SRSF3: variants seen among roughly 807,000 people sequenced by gnomAD.
SRSF3 encodes the protein serine and arginine rich splicing factor 3, also known as serine/arginine-rich splicing factor 3.
For missense variants in SRSF3, 58 were observed against 217.1 expected (o/e 0.27, Z 4.61); for synonymous variants, 87 against 73.6 (o/e 1.18, Z -0.93).
Position 36,598,967 on chromosome 6 carries a change from C to T in SRSF3, c.325C>T (p.Pro109Ser), listed in dbSNP as rs1371712288. ...RPRDDYRRRS[P>S]PPRRRSPRRR... ...TCGAGATGATTATCGTAGGAGGAGT[C>T]CTCCACCTCGTCGCAGGTACTTGAG... The change falls in exon 3 of 6, where the codon CCT becomes TCT. Residue 109 changes from proline (P) to serine (S), a missense_variant. Physicochemically the swap from Pro to Ser is moderately conservative, Grantham distance 74. Coordinates refer to ENST00000373715, the MANE Select transcript of SRSF3 (RefSeq NM_003017.5). 1.2e-6 allele frequency: 2 copies of T among 1,613,946 alleles called. No homozygotes were observed. The highest frequency in any genetic ancestry group is 1.7e-6 in the Non-Finnish European group (2 of 1,180,020).
intron 1 of SRSF3, 109 bp from the exon 2 acceptor site, chr6:36,596,649 TACG>T: frequency 1.1e-6 from 1 of 951,996 alleles, no homozygotes; most frequent in Admixed American, 2.3e-5. Context: ...TTTTTTTCTT[TACG>T]TGCTACCTTA....
intron 4 of SRSF3, 110 bp downstream of exon 4, chr6:36,601,300 GA>G (rs1189024597): frequency 9.7e-6 from 10 of 1,032,726 alleles, no homozygotes; most frequent in South Asian, 1.4e-5. Flanking sequence ...CTTTAATAGT[GA>G]ATCAAGTTGT....
At position 36,602,572 on chromosome 6, in the gene SRSF3, G is replaced by A. The variant is rs552737079; in HGVS notation, c.*583G>A. 4.6e-6 allele frequency: 1 copy of A among 218,374 alleles called. No individual in the cohort carries two copies. Among genetic ancestry groups the A allele is most frequent in the South Asian group, 1.9e-4 (1 of 5,390 alleles). 13.5% of individuals were successfully genotyped at this position (218,374 alleles called of 1,614,324 possible). On this transcript the variant is annotated 3_prime_UTR_variant, in exon 6 of 6. Transcript: ENST00000373715. ...AGTTTACCTTTGCTTTAGGTCATAA[G>A]TTCCTTATTTGATTGCTGTATATGG...
intron 3 of SRSF3, chr6:36,600,233 G>A: frequency 1.9e-6 from 2 of 1,054,902 alleles, no homozygotes; most frequent in Non-Finnish European, 2.3e-6. Flanking sequence ...CGTCAGTCCG[G>A]CAGCCTCACC....
Position 36,604,683 on chromosome 6 carries a change from TC to T in SRSF3, c.*2696del, listed in dbSNP as rs1778782596. 2 of 158,230 alleles carry T rather than the reference TC, an allele frequency of 1.3e-5. No individual in the cohort carries two copies. The highest frequency in any genetic ancestry group is 4.1e-4 in the South Asian group (2 of 4,880). The allele number at this position is 158,230 out of a possible 1,614,324, so 9.8% of individuals were successfully genotyped here. A position where few individuals can be genotyped will look rare whatever the true frequency, so the allele number is the denominator to read the frequency against. On this transcript the variant is annotated 3_prime_UTR_variant, in exon 6 of 6. Transcript: ENST00000373715. ...CACAAACCCATATGTGGATGGAAAA[TC>T]CAGGTTATTACTACATTCATTTTAG...
At chr6:36,595,083 C>G (rs919867400) in intron 1 of SRSF3, among the ~76,000 whole-genome samples, 1 of 152,146 alleles carries the variant, frequency 6.6e-6, no homozygotes, top group Non-Finnish European at 1.5e-5. Flanking sequence ...CTCCTGGGCA[C>G]AGGGTGTGGT....
intron 4 of SRSF3, 44 bp downstream of exon 4, chr6:36,601,234 GT>G: frequency 6.2e-7 from 1 of 1,605,534 alleles, no homozygotes; most frequent in Non-Finnish European, 8.5e-7. Context: ...AAATGGCAGT[GT>G]TTCTGCTATT....
intron 3 of SRSF3, chr6:36,599,642 T>C: frequency 4.6e-6 from 2 of 430,234 alleles, no homozygotes; most frequent in Non-Finnish European, 8.8e-6. Context: ...AGTGGAGTCC[T>C]TCTAGGAGAC....
In SRSF3 at chr6:36,602,715, A is replaced by G. The variant is rs1778738029; in HGVS notation, c.*726A>G. On this transcript the variant is annotated 3_prime_UTR_variant, in exon 6 of 6. Coordinates refer to ENST00000373715, the MANE Select transcript of SRSF3 (RefSeq NM_003017.5). ...AGTTACTGTGCAAGATTTTTTTTTC[A>G]TGCTGTCATTTGTAATATGTTTTGT... The G allele has an allele frequency of 4.7e-6, 1 of 211,226 alleles. No homozygotes were observed. Among genetic ancestry groups the G allele is most frequent in the African/African-American group, 2.3e-5 (1 of 44,150 alleles). The allele number at this position is 211,226 out of a possible 1,614,324, so 13.1% of individuals were successfully genotyped here.
Position 36,603,517 on chromosome 6 carries a change from T to C in SRSF3, c.*1528T>C. ...TGTCTTAAATATGAAAGATAAGTCA[T>C]TGCATTAAGAGTTCAAGCTAAATGG... On this transcript the variant is annotated 3_prime_UTR_variant, in exon 6 of 6. Coordinates refer to ENST00000373715, the MANE Select transcript of SRSF3 (RefSeq NM_003017.5). The C allele has an allele frequency of 4.4e-6, 1 of 226,324 alleles. No homozygotes were observed. Among genetic ancestry groups the C allele is most frequent in the Non-Finnish European group, 8.8e-6 (1 of 113,554 alleles). 14.0% of individuals were successfully genotyped at this position (226,324 alleles called of 1,614,324 possible). A position where few individuals can be genotyped will look rare whatever the true frequency, so the allele number is the denominator to read the frequency against.
chr6:36,601,937 T>TTTG lies in SRSF3; in HGVS notation c.468-23_468-22insGTT, dbSNP rs765160794. ...CCAAGTTACAGATGTAATGTTTTGT[T>TTTG]TTCTTTTTTTTTTTTTTTTTTTAGT... On this transcript the variant is annotated intron_variant, in intron 5 of 5. Coordinates refer to ENST00000373715, the MANE Select transcript of SRSF3 (RefSeq NM_003017.5). 3 of 1,572,378 alleles carry TTTG rather than the reference T, an allele frequency of 1.9e-6. No homozygotes were observed. In the South Asian group the frequency reaches 3.6e-5, roughly 19 times the overall value.
chr6:36,601,026 T>TTTTTTTTTTTTTA, intron 3 of SRSF3, 126 bp from the exon 4 acceptor site: 1 of 315,694 alleles, frequency 3.2e-6, no homozygotes, highest in Non-Finnish European at 5.8e-6. Context: ...TTTTTTTTTT[T>TTTTTTTTTTTTTA]GGACGATGGG....
rs1431140632 is a variant in SRSF3, at chr6:36,604,131, C to G, written c.*2142C>G. ...TTAGGAATTTTTAAAGTTGTAATTC[C>G]TAAAATAACAGGTCACACTAACCGG... On this transcript the variant is annotated 3_prime_UTR_variant, in exon 6 of 6. Transcript: ENST00000373715. 9.0e-6 allele frequency: 2 copies of G among 222,760 alleles called. No individual in the cohort carries two copies. The highest frequency in any genetic ancestry group is 4.5e-5 in the African/African-American group (2 of 44,720). 13.8% of individuals were successfully genotyped at this position (222,760 alleles called of 1,614,324 possible). A position where few individuals can be genotyped will look rare whatever the true frequency, so the allele number is the denominator to read the frequency against.
Position 36,602,951 on chromosome 6 carries a change from G to T in SRSF3, c.*962G>T. The T allele has an allele frequency of 4.6e-6, 1 of 215,684 alleles. No homozygotes were observed. The highest frequency in any genetic ancestry group is 9.3e-6 in the Non-Finnish European group (1 of 106,966). The allele number at this position is 215,684 out of a possible 1,614,324, so 13.4% of individuals were successfully genotyped here. On this transcript the variant is annotated 3_prime_UTR_variant, in exon 6 of 6. Transcript: ENST00000373715. ...GTCAGTTGAACCCACTGTTACCATT[G>T]TTCTTATCCCATGGGAAGCAGTTGG...
chr6:36,598,386 G>A (rs1185194222), intron 2 of SRSF3: 3 of 152,144 alleles, frequency 2.0e-5, no homozygotes, highest in African/African-American at 7.2e-5. Context: ...TGGGAAACAA[G>A]CTTATTTTAT....
At chr6:36,601,927 A>G in intron 5 of SRSF3, 35 bp from the exon 6 acceptor site, 2 of 1,568,808 alleles carry the variant, frequency 1.3e-6, no homozygotes, top group Non-Finnish European at 8.6e-7. Context: ...TTACAGATGT[A>G]ATGTTTTGTT....
At chr6:36,598,799 G>T (rs1382205735) in intron 2 of SRSF3, 50 bp from the exon 3 acceptor site, 7 of 1,598,896 alleles carry the variant, frequency 4.4e-6, no homozygotes, top group Non-Finnish European at 6.0e-6. Flanking sequence ...GCTTTAATAC[G>T]CATGTCAGAA....
rs535797620 is a variant in SRSF3, at chr6:36,604,966, A to G, written c.*2977A>G. 6.6e-6 allele frequency: 1 copy of G among 152,296 alleles called. No homozygotes were observed. Among genetic ancestry groups the G allele is most frequent in the Non-Finnish European group, 1.5e-5 (1 of 68,018 alleles). 9.4% of individuals were successfully genotyped at this position (152,296 alleles called of 1,614,324 possible). On this transcript the variant is annotated 3_prime_UTR_variant, in exon 6 of 6. Coordinates refer to ENST00000373715, the MANE Select transcript of SRSF3 (RefSeq NM_003017.5). Reference sequence around the variant, plus strand: ...TAATTTCTTAGTTGTATATTTTTGTACTACCAGATTGTTGCCTTCTGGTTT... The same window carrying G: ...TAATTTCTTAGTTGTATATTTTTGTGCTACCAGATTGTTGCCTTCTGGTTT...
chr6:36,599,202 G>C (rs1778679143), intron 3 of SRSF3, among the ~76,000 whole-genome samples: 1 of 152,098 alleles, frequency 6.6e-6, no homozygotes, highest in South Asian at 2.1e-4. Flanking sequence ...CTTCTATCTT[G>C]GATCTGTCTT....
Sources: gnomAD v4.1 joint callset for allele counts (sites outside exome capture counted in the v4.1 genomes callset) on GRCh38, gnomAD v4.1.1 for gene constraint, MANE v1.5 for transcripts, NCBI Gene and HGNC (gene_info 2026-07-23, HGNC 2026-07-21) for gene names.